The following SIN3A variants were observed in gnomAD, a reference collection of about 807,000 sequenced individuals.
SIN3A encodes the protein paired amphipathic helix protein Sin3a.
Under a neutral mutation model 146.1 loss-of-function variants are expected in SIN3A, and 14 were observed. That is an observed-to-expected ratio of 0.10 (90% CI 0.06 to 0.15). The LOEUF is 0.15. Among genes scored for constraint, SIN3A ranks in the 10% least tolerant of loss-of-function variants. The pLI is 1.00. For missense variants in SIN3A, 1,028 were observed against 1,576.0 expected, an observed-to-expected ratio of 0.65 and a Z score of 5.89; for synonymous variants, 572 against 572.0, an observed-to-expected ratio of 1.00 and a Z score of 0.00.
chr15:75,377,446 G>A (rs1226843484), intron 19 of SIN3A, among the ~76,000 whole-genome samples: 1 of 151,996 alleles, frequency 6.6e-6, no homozygotes, highest in Non-Finnish European at 1.5e-5. Flanking sequence ...CCAACATGGG[G>A]AGACCTCATC....
intron 3 of SIN3A, among the ~76,000 whole-genome samples, chr15:75,417,607 G>A (rs2073764530): frequency 6.6e-6 from 1 of 152,052 alleles, no homozygotes; most frequent in Non-Finnish European, 1.5e-5. Flanking sequence ...TTGAACTCCT[G>A]ACCTCAACTG....
chr15:75,387,921 C>T (rs2073123090), intron 16 of SIN3A, among the ~76,000 whole-genome samples: 1 of 152,062 alleles, frequency 6.6e-6, no homozygotes, highest in Admixed American at 6.6e-5. Context: ...TATGGGAAGG[C>T]CTAACAACTT....
At chr15:75,447,821 A>G (rs533099372) in intron 1 of SIN3A, 1 of 152,290 alleles carries the variant, frequency 6.6e-6, no homozygotes, top group Non-Finnish European at 1.5e-5. Context: ...CATACAAGAC[A>G]AAAAGTGGGT....
intron 16 of SIN3A, among the ~76,000 whole-genome samples, chr15:75,385,104 T>TG (rs955470561): frequency 6.3e-4 from 96 of 152,062 alleles, no homozygotes; most frequent in African/African-American, 2.2e-3. Flanking sequence ...ACCTGGGAGA[T>TG]GGAGGTTGCA....
upstream of SIN3A, among the ~76,000 whole-genome samples, chr15:75,454,291 G>C (rs916532815): frequency 2.0e-5 from 3 of 152,230 alleles, no homozygotes; most frequent in Non-Finnish European, 2.9e-5. Flanking sequence ...GAAGACAAGA[G>C]AAGGCGGGGC....
At position 75,430,252 on chromosome 15, in the gene SIN3A, C is replaced by T; in HGVS notation, c.124G>A (p.Glu42Lys). Residue 42 changes from glutamate (E) to lysine (K), a missense_variant, in exon 2 of 21, where the codon GAA becomes AAA. Glu to Lys is a moderately conservative substitution (Grantham distance 56). Coordinates refer to ENST00000394947, the MANE Select transcript of SIN3A (RefSeq NM_001145358.2). ...RVLAPAPPVY[E>K]AVSETMQSAT... The stretch of plus-strand genomic sequence containing the variant: ...GACTGCATGGTCTCAGACACTGCTT[C>T]ATACACAGGAGGGGCAGGGGCAAGC... The T allele has an allele frequency of 6.2e-7, 1 of 1,614,176 alleles. No individual in the cohort carries two copies. Among genetic ancestry groups the T allele is most frequent in the Non-Finnish European group, 8.5e-7 (1 of 1,180,038 alleles).
At chr15:75,429,039 T>C (rs2073971633) in intron 2 of SIN3A, among the ~76,000 whole-genome samples, 1 of 152,216 alleles carries the variant, frequency 6.6e-6, no homozygotes, top group Non-Finnish European at 1.5e-5. Context: ...ATGACAAATA[T>C]ACAAAATACA....
At position 75,434,115 on chromosome 15, in the gene SIN3A, A is replaced by G. The variant is rs563406881; in HGVS notation, c.-33-3707T>C. ...ACTACCTTACCTCTCACAGAAGAGAAGAAGTGAAGGAAGAATCCCTTTACT... is the reference window on the plus strand; with the variant it reads ...ACTACCTTACCTCTCACAGAAGAGAGGAAGTGAAGGAAGAATCCCTTTACT... On this transcript the variant is annotated intron_variant, in intron 1 of 20. Transcript: ENST00000394947. Among the ~76,000 whole-genome samples the G allele has an allele frequency of 3.7e-4, 56 of 152,320 alleles. 3 individuals carry two copies. The South Asian group carries it at 0.01, about 28-fold the overall frequency.
At chr15:75,450,578 G>A (rs1448243532) in intron 1 of SIN3A, among the ~76,000 whole-genome samples, 2 of 152,220 alleles carry the variant, frequency 1.3e-5, no homozygotes, top group Non-Finnish European at 2.9e-5. Flanking sequence ...AACCAAGAGG[G>A]GAGTGGGGGT....
intron 5 of SIN3A, among the ~76,000 whole-genome samples, chr15:75,412,217 T>C (rs1206999145): frequency 2.0e-5 from 3 of 152,250 alleles, no homozygotes; most frequent in Non-Finnish European, 4.4e-5. Flanking sequence ...ATGAGGTTAC[T>C]GAGCACTTGA....
At chr15:75,383,109 GA>G (rs199520281) in intron 17 of SIN3A, among the ~76,000 whole-genome samples, 155 of 139,594 alleles carry the variant, frequency 1.1e-3, no homozygotes, top group East Asian at 5.2e-3. Flanking sequence ...TCCATCTCGG[GA>G]AAAAAAAAAA....
rs1239277285 is a variant in SIN3A, at chr15:75,371,236, C to CA, written c.*742dup. The CA allele has an allele frequency of 1.3e-5, 2 of 152,376 alleles. No individual in the cohort carries two copies. Among genetic ancestry groups the CA allele is most frequent in the Admixed American group, 6.6e-5 (1 of 15,246 alleles). The allele number at this position is 152,376 out of a possible 1,614,324, so 9.4% of individuals were successfully genotyped here. A position where few individuals can be genotyped will look rare whatever the true frequency, so the allele number is the denominator to read the frequency against. On this transcript the variant is annotated 3_prime_UTR_variant, in exon 21 of 21. Transcript: ENST00000394947. Reference sequence around the variant, plus strand: ...TGTGTGTGTGTGTGCGTGTGTGTGTCAGAGAGTAAAGCTGGTGGATGGCAC... The same window carrying CA: ...TGTGTGTGTGTGTGCGTGTGTGTGTCAAGAGAGTAAAGCTGGTGGATGGCAC...
intron 2 of SIN3A, among the ~76,000 whole-genome samples, chr15:75,429,073 C>T (rs1269808967): frequency 6.6e-6 from 1 of 152,060 alleles, no homozygotes; most frequent in African/African-American, 2.4e-5. Context: ...TTTATGTTAT[C>T]GGTAAAGCTT....
chr15:75,448,017 A>T (rs1441608511), intron 1 of SIN3A: 2 of 152,048 alleles, frequency 1.3e-5, no homozygotes, highest in East Asian at 3.9e-4. Context: ...CTATAAAAAT[A>T]TAAAAAAAAT....
intron 1 of SIN3A, among the ~76,000 whole-genome samples, chr15:75,441,638 T>G (rs941010109): frequency 6.6e-6 from 1 of 152,202 alleles, no homozygotes; most frequent in African/African-American, 2.4e-5. Context: ...TTTGTAAATT[T>G]TGATTCCAGG....
At chr15:75,410,904 G>A (rs1318566753) in intron 6 of SIN3A, among the ~76,000 whole-genome samples, 1 of 150,936 alleles carries the variant, frequency 6.6e-6, no homozygotes, top group Non-Finnish European at 1.5e-5. Context: ...GAACCCGGGA[G>A]GTAGAGGCTG....
chr15:75,408,281 G>T (rs1317577594), intron 8 of SIN3A, among the ~76,000 whole-genome samples: 1 of 152,100 alleles, frequency 6.6e-6, no homozygotes, highest in Non-Finnish European at 1.5e-5. Flanking sequence ...TCTCTTTATT[G>T]AAATGAAGAA....
intron 1 of SIN3A, among the ~76,000 whole-genome samples, chr15:75,441,804 T>C (rs1167029143): frequency 1.3e-5 from 2 of 152,122 alleles, no homozygotes; most frequent in Admixed American, 1.3e-4. Flanking sequence ...ATTCTCATTT[T>C]TAGACTAATA....
Position 75,410,302 on chromosome 15 carries a change from T to C in SIN3A, c.1009-16A>G, listed in dbSNP as rs199692910. On this transcript the variant is annotated splice_polypyrimidine_tract_variant and intron_variant, in intron 6 of 20. Transcript: ENST00000394947. ...TCTGCTCTTTCTGAGGAATTGCAAA[T>C]GAAAAGAGATCATTTGGGCTACTGT... 2 of 1,608,728 alleles carry C rather than the reference T, an allele frequency of 1.2e-6. No individual in the cohort carries two copies. The highest frequency in any genetic ancestry group is 1.7e-6 in the Non-Finnish European group (2 of 1,178,364).
Sources: gnomAD v4.1 joint callset for allele counts (sites outside exome capture counted in the v4.1 genomes callset) on GRCh38, gnomAD v4.1.1 for gene constraint, MANE v1.5 for transcripts, NCBI Gene and HGNC (gene_info 2026-07-23, HGNC 2026-07-21) for gene names.